TMEM178B: variants seen among roughly 807,000 people sequenced by gnomAD.
The protein encoded by TMEM178B is transmembrane protein 178B.
In TMEM178B, 5 loss-of-function variants were observed where a neutral mutation model predicts 31.0. That is an observed-to-expected ratio of 0.16 (90% confidence interval 0.08 to 0.34). The LOEUF (loss-of-function observed/expected upper bound fraction) is 0.34, where lower values mean the gene tolerates loss of function less well. Ranked by LOEUF, TMEM178B falls within the 10% of genes least tolerant of loss-of-function variation. The probability of loss-of-function intolerance (pLI) is 1.00; values close to 1 mark genes in which losing one functional copy is unlikely to be tolerated. For missense variants in TMEM178B, 275 were observed against 400.3 expected (o/e 0.69, Z 2.67); for synonymous variants, 164 against 164.0 (o/e 1.00, Z 0.00).
At chr7:141,240,473 T>C (rs2129193268) in intron 2 of TMEM178B, among the ~76,000 whole-genome samples, 1 of 152,372 alleles carries the variant, frequency 6.6e-6, no homozygotes, top group African/African-American at 2.4e-5. Context: ...AAGTAGAATA[T>C]TCTTGTCTCT....
chr7:141,448,949 GGACAGGGTAGATGAA>G, intron 3 of TMEM178B, among the ~76,000 whole-genome samples: 1 of 152,122 alleles, frequency 6.6e-6, no homozygotes, highest in African/African-American at 2.4e-5. Flanking sequence ...AGGGAAGAGG[GGACAGGGTAGATGAA>G]GACCATCTCT....
At chr7:141,353,246 A>G (rs771070094) in intron 2 of TMEM178B, among the ~76,000 whole-genome samples, 2 of 152,196 alleles carry the variant, frequency 1.3e-5, no homozygotes, top group Admixed American at 6.5e-5. Context: ...AAACTTAGCC[A>G]TGCAACATGC....
chr7:141,294,363 G>A (rs1264041678), intron 2 of TMEM178B, among the ~76,000 whole-genome samples: 2 of 152,118 alleles, frequency 1.3e-5, no homozygotes, highest in African/African-American at 2.4e-5. Flanking sequence ...CTTTTATTTT[G>A]AGACTTAGGA....
At chr7:141,249,305 C>T (rs1043504260) in intron 2 of TMEM178B, among the ~76,000 whole-genome samples, 1 of 152,144 alleles carries the variant, frequency 6.6e-6, no homozygotes, top group East Asian at 1.9e-4. Flanking sequence ...TCTCTCTTGC[C>T]TGCTGCCATG....
chr7:141,313,876 C>A (rs1166351365), intron 2 of TMEM178B, among the ~76,000 whole-genome samples: 1 of 151,976 alleles, frequency 6.6e-6, no homozygotes, highest in Admixed American at 6.6e-5. Flanking sequence ...TTTGTTAGGA[C>A]CCCCCTGATG....
chr7:141,323,877 A>G (rs1229076368), intron 2 of TMEM178B, among the ~76,000 whole-genome samples: 1 of 152,188 alleles, frequency 6.6e-6, no homozygotes, highest in Non-Finnish European at 1.5e-5. Context: ...GGGGATGGAA[A>G]CAGATTTTGA....
At chr7:141,414,675 T>A (rs767652130) in intron 2 of TMEM178B, 3 of 152,584 alleles carry the variant, frequency 2.0e-5, no homozygotes, top group African/African-American at 7.2e-5. Context: ...AGCTTATATC[T>A]ATCTCCATCT....
chr7:141,228,326 A>T (rs935499257), intron 2 of TMEM178B, among the ~76,000 whole-genome samples: 1 of 152,158 alleles, frequency 6.6e-6, no homozygotes, highest in Admixed American at 6.5e-5. Context: ...ATGTCAACTG[A>T]AACACAATTC....
intron 1 of TMEM178B, among the ~76,000 whole-genome samples, chr7:141,126,162 G>GAAGA (rs151042086): frequency 0.16 from 24,374 of 152,114 alleles, 1,970 homozygotes; most frequent in South Asian, 0.22. Flanking sequence ...GGTGGAGGAA[G>GAAGA]AAGACATTAT....
intron 2 of TMEM178B, among the ~76,000 whole-genome samples, chr7:141,355,765 G>A (rs1398997563): frequency 3.3e-5 from 5 of 152,150 alleles, no homozygotes; most frequent in African/African-American, 1.2e-4. Context: ...TTGTTACAAG[G>A]GTATGTGTGA....
In TMEM178B at chr7:141,344,584, CTT is replaced by C. The variant is rs1799580174; in HGVS notation, c.497-93023_497-93022del. The stretch of plus-strand genomic sequence containing the variant: ...CCATTCCTCCCTCCTCCCTTCCTTC[CTT>C]CCTTCCTTCCTTCCTTCCTTCCTTC... On this transcript the variant is annotated intron_variant, in intron 2 of 3. Coordinates refer to ENST00000565468, the MANE Select transcript of TMEM178B (RefSeq NM_001195278.2). The surrounding 1 kb of genome is among the most constrained non-coding windows in gnomAD (Gnocchi z 4.1). Among the ~76,000 whole-genome samples, 20 of 122,242 alleles carry C rather than the reference CTT, an allele frequency of 1.6e-4. No individual in the cohort carries two copies. The South Asian group carries it at 5.5e-3, about 33-fold the overall frequency. 80.2% of individuals were successfully genotyped at this position (122,242 alleles called of 152,430 possible).
At chr7:141,399,303 C>G (rs1800711637) in intron 2 of TMEM178B, among the ~76,000 whole-genome samples, 1 of 152,220 alleles carries the variant, frequency 6.6e-6, no homozygotes. Context: ...GGCCTTCAGT[C>G]TGTCCCTGAC....
At chr7:141,492,036 A>G in the TMEM178B span, among the ~76,000 whole-genome samples, 1 of 152,184 alleles carries the variant, frequency 6.6e-6, no homozygotes, top group Admixed American at 6.5e-5. Context: ...ACCAAGAAGA[A>G]AATCTACATG....
chr7:141,285,128 C>T (rs1798424557), intron 2 of TMEM178B, among the ~76,000 whole-genome samples: 1 of 148,190 alleles, frequency 6.7e-6, no homozygotes, highest in South Asian at 2.1e-4. Context: ...TTTTCTGCCC[C>T]AGGATCCAAT....
At chr7:141,250,330 A>T (rs575690590) in intron 2 of TMEM178B, among the ~76,000 whole-genome samples, 8 of 152,332 alleles carry the variant, frequency 5.3e-5, no homozygotes, top group South Asian at 2.1e-4. Context: ...CACTTTATAG[A>T]TGAGAAAATT....
the TMEM178B span, among the ~76,000 whole-genome samples, chr7:141,487,696 G>A: frequency 7.1e-6 from 1 of 140,754 alleles, no homozygotes; most frequent in Non-Finnish European, 1.5e-5. Flanking sequence ...AGCCGAGATG[G>A]CGCCACTGCA....
intron 2 of TMEM178B, among the ~76,000 whole-genome samples, chr7:141,426,356 T>C (rs1801315813): frequency 6.6e-6 from 1 of 152,084 alleles, no homozygotes; most frequent in Non-Finnish European, 1.5e-5. Context: ...AAGCTTAAAT[T>C]TATTGGTGAG....
chr7:141,147,638 T>C (rs952712877), intron 1 of TMEM178B, among the ~76,000 whole-genome samples: 5 of 152,002 alleles, frequency 3.3e-5, no homozygotes, highest in South Asian at 2.1e-4. Context: ...TAATTGCACA[T>C]TGGGGAGAAG....
chr7:141,120,875 G>A (rs1269093140), intron 1 of TMEM178B, among the ~76,000 whole-genome samples: 3 of 151,948 alleles, frequency 2.0e-5, no homozygotes, highest in Non-Finnish European at 4.4e-5. Flanking sequence ...TGAGGTGGGA[G>A]GATCACTTGA....
Sources: allele counts gnomAD v4.1 joint callset (sites outside exome capture counted in the v4.1 genomes callset), GRCh38; gene constraint gnomAD v4.1.1; non-coding constraint Gnocchi (gnomAD v3.1); transcripts MANE v1.5; gene names NCBI Gene and HGNC (gene_info 2026-07-23, HGNC 2026-07-21).